The following RHBDL2 variants were observed in gnomAD, a reference collection of about 807,000 sequenced individuals.
RHBDL2 encodes the protein rhomboid like 2, also known as rhomboid-related protein 2.
RHBDL2 carries 26 observed loss-of-function variants against 31.7 expected under a neutral mutation model. The observed-to-expected ratio is 0.82, with a 90% CI of 0.60 to 1.14. The LOEUF is 1.14. Among genes scored for constraint, RHBDL2 ranks in the 50% most tolerant of loss-of-function variants. RHBDL2 has a pLI of 0.00. For synonymous variants in RHBDL2, 123 were observed against 127.2 expected (o/e 0.97, Z 0.22); for missense variants, 336 against 364.4 (o/e 0.92, Z 0.63).
intron 4 of RHBDL2, among the ~76,000 whole-genome samples, chr1:38,903,648 T>C (rs1342062394): frequency 6.6e-6 from 1 of 152,160 alleles, no homozygotes; most frequent in Admixed American, 6.5e-5. Context: ...ATGTCCGTTT[T>C]CCCCAAGTTG....
intron 1 of RHBDL2, among the ~76,000 whole-genome samples, chr1:38,927,900 G>T (rs565746913): frequency 6.6e-6 from 1 of 152,112 alleles, no homozygotes; most frequent in East Asian, 1.9e-4. Flanking sequence ...CTTACTCAAG[G>T]TCTCACAGCT....
At chr1:38,890,426 T>C (rs1642840029) in intron 6 of RHBDL2, among the ~76,000 whole-genome samples, 1 of 152,218 alleles carries the variant, frequency 6.6e-6, no homozygotes, top group Non-Finnish European at 1.5e-5. Context: ...AAACAGTTAC[T>C]TTGGCTTAGT....
At chr1:38,912,910 A>ATATGTGTGTGTGTGTG (rs1399583863) in intron 3 of RHBDL2, among the ~76,000 whole-genome samples, 17 of 41,368 alleles carry the variant, frequency 4.1e-4, no homozygotes, top group African/African-American at 1.5e-3. Flanking sequence ...ATATATATAT[A>ATATGTGTGTGTGTGTG]TGTGTGTGTG....
chr1:38,910,716 G>C (rs367833337), intron 4 of RHBDL2, among the ~76,000 whole-genome samples: 27 of 148,068 alleles, frequency 1.8e-4, no homozygotes, highest in East Asian at 7.9e-4. Flanking sequence ...ATACGTACCT[G>C]TACACCAAAC....
intron 5 of RHBDL2, among the ~76,000 whole-genome samples, 166 bp downstream of exon 5, chr1:38,895,803 A>C (rs991699046): frequency 6.6e-5 from 10 of 151,576 alleles, no homozygotes; most frequent in Admixed American, 6.6e-4. Flanking sequence ...ACTCTGTCTC[A>C]AAAAAAAAGA....
intron 1 of RHBDL2, among the ~76,000 whole-genome samples, chr1:38,933,841 G>A (rs1359165071): frequency 6.6e-6 from 1 of 150,898 alleles, no homozygotes; most frequent in Non-Finnish European, 1.5e-5. Context: ...CAATTCTCCT[G>A]CCTTAGCCTC....
intron 4 of RHBDL2, among the ~76,000 whole-genome samples, chr1:38,904,847 C>A (rs969220317): frequency 2.0e-5 from 3 of 146,504 alleles, no homozygotes; most frequent in Non-Finnish European, 3.0e-5. Context: ...CTGGCTAACA[C>A]GGTGAAACCC....
intron 1 of RHBDL2, among the ~76,000 whole-genome samples, chr1:38,925,516 C>T (rs1253068502): frequency 7.9e-6 from 1 of 125,986 alleles, no homozygotes; most frequent in Non-Finnish European, 1.7e-5. Flanking sequence ...GATTCTGTCT[C>T]AAAAAAAAAA....
intron 3 of RHBDL2, among the ~76,000 whole-genome samples, chr1:38,914,157 T>G (rs957778280): frequency 4.6e-5 from 7 of 151,684 alleles, no homozygotes; most frequent in African/African-American, 1.7e-4. Context: ...CAAAACTAAA[T>G]GGCGGGCACT....
At chr1:38,932,753 C>T (rs1208411037) in intron 1 of RHBDL2, among the ~76,000 whole-genome samples, 1 of 152,196 alleles carries the variant, frequency 6.6e-6, no homozygotes, top group Non-Finnish European at 1.5e-5. Context: ...AGCCACCACA[C>T]CTATTCTTGT....
At chr1:38,904,691 A>T (rs947461630) in intron 4 of RHBDL2, among the ~76,000 whole-genome samples, 11 of 148,118 alleles carry the variant, frequency 7.4e-5, no homozygotes, top group Non-Finnish European at 1.2e-4. Context: ...ATATATATTT[A>T]TATATATATA....
intron 6 of RHBDL2, among the ~76,000 whole-genome samples, chr1:38,888,946 AGTTAGGGATAAG>A (rs1170015937): frequency 6.6e-6 from 1 of 152,072 alleles, no homozygotes; most frequent in Non-Finnish European, 1.5e-5. Context: ...TCTGGACTAG[AGTTAGGGATAAG>A]GTTGTGGGTG....
chr1:38,924,475 T>C (rs994310213), intron 1 of RHBDL2, among the ~76,000 whole-genome samples: 1 of 151,938 alleles, frequency 6.6e-6, no homozygotes, highest in South Asian at 2.1e-4. Flanking sequence ...GCGCCTGTAG[T>C]CCCAGCTACT....
At chr1:38,932,573 C>G (rs1450833470) in intron 1 of RHBDL2, among the ~76,000 whole-genome samples, 3 of 152,184 alleles carry the variant, frequency 2.0e-5, no homozygotes, top group Non-Finnish European at 4.4e-5. Flanking sequence ...GACTCTTGTG[C>G]CTCAGCCTCC....
chr1:38,934,532 C>G (rs1394163904), intron 1 of RHBDL2, among the ~76,000 whole-genome samples: 2 of 149,936 alleles, frequency 1.3e-5, no homozygotes, highest in Non-Finnish European at 3.0e-5. Flanking sequence ...TGATGGGCAC[C>G]TGTAATCCCA....
chr1:38,905,026 G>A (rs971994108), intron 4 of RHBDL2, among the ~76,000 whole-genome samples: 4 of 150,206 alleles, frequency 2.7e-5, no homozygotes, highest in East Asian at 1.9e-4. Context: ...GCGAGACTCC[G>A]TCTCAAAAAA....
intron 5 of RHBDL2, among the ~76,000 whole-genome samples, chr1:38,895,656 T>C (rs911457524): frequency 6.6e-6 from 1 of 151,932 alleles, no homozygotes; most frequent in African/African-American, 2.4e-5. Flanking sequence ...ATAAAAACAT[T>C]AGTCAGGCAT....
chr1:38,917,648 T>C (rs1643257537), intron 2 of RHBDL2, among the ~76,000 whole-genome samples: 1 of 152,150 alleles, frequency 6.6e-6, no homozygotes, highest in African/African-American at 2.4e-5. Flanking sequence ...TCCGGACGAC[T>C]TCCCAGTTGC....
intron 1 of RHBDL2, among the ~76,000 whole-genome samples, chr1:38,935,012 G>C (rs765153778): frequency 2.0e-5 from 3 of 151,708 alleles, no homozygotes; most frequent in Non-Finnish European, 2.9e-5. Flanking sequence ...ACATTTTTAA[G>C]TTAATAACTA....
Sources: gnomAD v4.1 joint callset for allele counts (sites outside exome capture counted in the v4.1 genomes callset) on GRCh38, gnomAD v4.1.1 for gene constraint, MANE v1.5 for transcripts, NCBI Gene and HGNC (gene_info 2026-07-23, HGNC 2026-07-21) for gene names.